OPCML: variants seen among roughly 807,000 people sequenced by gnomAD.
The protein encoded by OPCML is opioid binding protein/cell adhesion molecule like.
Under a neutral mutation model 37.8 loss-of-function variants are expected in OPCML, and 13 were observed. The ratio of observed to expected loss-of-function variants is 0.34; its 90% confidence interval spans 0.22 to 0.55. The LOEUF (loss-of-function observed/expected upper bound fraction) is 0.55. OPCML is among the 20% of genes least tolerant of loss of function. The pLI is 0.91. For missense variants in OPCML, 341 were observed against 435.6 expected, an observed-to-expected ratio of 0.78 and a Z score of 1.93; for synonymous variants, 176 against 168.8, an observed-to-expected ratio of 1.04 and a Z score of -0.33.
chr11:132,438,484 G>A (rs185186904), intron 4 of OPCML, among the ~76,000 whole-genome samples: 12 of 152,172 alleles, frequency 7.9e-5, no homozygotes, highest in East Asian at 1.9e-4. Context: ...CTGTGGAGGG[G>A]GTGGGCCAGT....
rs757201803 is a variant in OPCML, at chr11:132,418,038, T to A, written c.*2155A>T. On this transcript the variant is annotated 3_prime_UTR_variant, in exon 8 of 8. Coordinates refer to ENST00000524381, the MANE Select transcript of OPCML (RefSeq NM_001012393.5). Reference sequence around the variant, plus strand: ...GCATTTAGTGTGCCAAGATAGCCTATGTTTGTATGTATGTATATATGTATA... The same window carrying A: ...GCATTTAGTGTGCCAAGATAGCCTAAGTTTGTATGTATGTATATATGTATA... The A allele has an allele frequency of 6.6e-6, 1 of 152,190 alleles. No individual in the cohort carries two copies. 9.4% of individuals were successfully genotyped at this position (152,190 alleles called of 1,614,324 possible).
intron 1 of OPCML, among the ~76,000 whole-genome samples, chr11:133,431,143 TTAAA>T (rs1456057964): frequency 6.6e-6 from 1 of 152,222 alleles, no homozygotes; most frequent in Non-Finnish European, 1.5e-5. Flanking sequence ...GTTCTTAACA[TTAAA>T]TAAATATTTA....
intron 1 of OPCML, among the ~76,000 whole-genome samples, chr11:133,388,410 G>A (rs73602501): frequency 0.03 from 4,622 of 152,234 alleles, 233 homozygotes; most frequent in African/African-American, 0.1. Context: ...CCTTTGGGAT[G>A]TGTCAGGGGA....
intron 1 of OPCML, among the ~76,000 whole-genome samples, chr11:133,260,292 G>A (rs1334616031): frequency 1.3e-5 from 2 of 152,008 alleles, no homozygotes; most frequent in African/African-American, 2.4e-5. Flanking sequence ...TCAAGGTTCT[G>A]GCTATTACTC....
At chr11:133,140,531 T>TAATAAGAATAAGAAG (rs1272061685) in intron 1 of OPCML, among the ~76,000 whole-genome samples, 1 of 88,086 alleles carries the variant, frequency 1.1e-5, no homozygotes, top group Non-Finnish European at 2.2e-5. Flanking sequence ...ATAATAATAA[T>TAATAAGAATAAGAAG]AAGAAGAAGA....
chr11:132,684,464 G>A (rs1055554823), intron 2 of OPCML, among the ~76,000 whole-genome samples: 1 of 152,030 alleles, frequency 6.6e-6, no homozygotes, highest in South Asian at 2.1e-4. Context: ...TATATTAATT[G>A]GCACATTAGC....
intron 4 of OPCML, among the ~76,000 whole-genome samples, chr11:132,467,836 A>T (rs1244725794): frequency 6.6e-6 from 1 of 152,192 alleles, no homozygotes; most frequent in Non-Finnish European, 1.5e-5. Context: ...AAGATTCTGA[A>T]TTCAAAGTTC....
At chr11:133,435,993 C>T (rs1008681197) in intron 1 of OPCML, among the ~76,000 whole-genome samples, 7 of 152,156 alleles carry the variant, frequency 4.6e-5, no homozygotes, top group Admixed American at 4.6e-4. Flanking sequence ...ATAATGATTT[C>T]CAAAATACAC....
chr11:132,882,375 G>A (rs1943252034), intron 2 of OPCML, among the ~76,000 whole-genome samples: 1 of 152,196 alleles, frequency 6.6e-6, no homozygotes, highest in Admixed American at 6.5e-5. Context: ...AAACAGGTTT[G>A]TAGATGGTGA....
At chr11:132,704,283 G>C (rs1378293044) in intron 2 of OPCML, among the ~76,000 whole-genome samples, 1 of 152,142 alleles carries the variant, frequency 6.6e-6, no homozygotes, top group African/African-American at 2.4e-5. Context: ...TTCTGAAGAA[G>C]TTACCTGAGA....
chr11:133,245,043 C>T (rs771360006), intron 1 of OPCML, among the ~76,000 whole-genome samples: 18 of 152,206 alleles, frequency 1.2e-4, no homozygotes, highest in Non-Finnish European at 2.6e-4. Context: ...CCCAAATGCC[C>T]ATCTTCCTCA....
intron 2 of OPCML, among the ~76,000 whole-genome samples, chr11:132,823,491 CATCGCCTGTCTTTCCCCAGCATCATCAAT>C (rs1377330140): frequency 6.6e-6 from 1 of 152,002 alleles, no homozygotes; most frequent in Admixed American, 6.6e-5. Context: ...CTGCTGTGGC[CATCGCCTGTCTTTCCCCAGCATCATCAAT>C]ATACGCTTCT....
chr11:133,028,560 T>TGA (rs148115731), intron 1 of OPCML, among the ~76,000 whole-genome samples: 3,982 of 146,570 alleles, frequency 0.027, 68 homozygotes, highest in Middle Eastern at 0.073. Flanking sequence ...TGTGTACATG[T>TGA]GAGAGAGAGA....
intron 1 of OPCML, among the ~76,000 whole-genome samples, chr11:133,059,341 G>C (rs7951990): frequency 2.0e-5 from 3 of 152,224 alleles, no homozygotes; most frequent in African/African-American, 7.2e-5. Context: ...GACTGCCCAA[G>C]ACCTTTTAGG....
intron 1 of OPCML, among the ~76,000 whole-genome samples, chr11:133,053,105 T>C (rs1948161534): frequency 6.6e-6 from 1 of 152,222 alleles, no homozygotes; most frequent in Non-Finnish European, 1.5e-5. Context: ...GCTGTGTTTA[T>C]GACACATCTT....
intron 4 of OPCML, among the ~76,000 whole-genome samples, chr11:132,494,825 A>G (rs1211159498): frequency 6.6e-6 from 1 of 152,230 alleles, no homozygotes; most frequent in Non-Finnish European, 1.5e-5. Context: ...GAGGTGTCCC[A>G]TGGGAATGGA....
At chr11:132,818,211 G>T (rs1939742155) in intron 2 of OPCML, among the ~76,000 whole-genome samples, 1 of 151,990 alleles carries the variant, frequency 6.6e-6, no homozygotes, top group Non-Finnish European at 1.5e-5. Context: ...TCATTTCCTA[G>T]ATTTCAATTT....
chr11:132,771,551 G>GC (rs1272446408), intron 2 of OPCML: 1 of 152,128 alleles, frequency 6.6e-6, no homozygotes, highest in Non-Finnish European at 1.5e-5. Context: ...GCTCCTGAGA[G>GC]CCCCCACGAG....
At chr11:132,864,559 G>A (rs1043748733) in intron 2 of OPCML, among the ~76,000 whole-genome samples, 8 of 152,206 alleles carry the variant, frequency 5.3e-5, no homozygotes, top group Admixed American at 6.5e-5. Flanking sequence ...AAAGCAGTAT[G>A]TAAAAATCAG....
Sources: allele counts gnomAD v4.1 joint callset (sites outside exome capture counted in the v4.1 genomes callset), GRCh38; gene constraint gnomAD v4.1.1; transcripts MANE v1.5; gene names NCBI Gene and HGNC (gene_info 2026-07-23, HGNC 2026-07-21).